Variants in ZNF445 observed in about 807,000 individuals in gnomAD.
ZNF445 encodes zinc finger protein 445.
In ZNF445, 19 loss-of-function variants were observed where a neutral mutation model predicts 93.9. The ratio of observed to expected loss-of-function variants is 0.20; its 90% CI spans 0.14 to 0.30. ZNF445 has a LOEUF of 0.30. ZNF445 is among the 10% of genes least tolerant of loss of function. The pLI is 1.00. For missense variants in ZNF445, 1,058 were observed against 1,259.4 expected, an observed-to-expected ratio of 0.84 and a Z score of 2.42; for synonymous variants, 449 against 446.3, an observed-to-expected ratio of 1.01 and a Z score of -0.08.
rs1697646452 is a variant in ZNF445, at chr3:44,434,942, C to T, written c.*11633G>A. Reference sequence around the variant, plus strand: ...CCTTATAGATAACATTTATAAGTCACCATAACAACCACTTATTTTTCAGGA... The same window carrying T: ...CCTTATAGATAACATTTATAAGTCATCATAACAACCACTTATTTTTCAGGA... On this transcript the variant is annotated 3_prime_UTR_variant, in exon 8 of 8. Coordinates refer to ENST00000396077, the MANE Select transcript of ZNF445 (RefSeq NM_181489.6). The T allele has an allele frequency of 6.6e-6, 1 of 152,202 alleles. No homozygotes were observed. Among genetic ancestry groups the T allele is most frequent in the Admixed American group, 6.5e-5 (1 of 15,274 alleles). The allele number at this position is 152,202 out of a possible 1,614,324, so 9.4% of individuals were successfully genotyped here.
At chr3:44,475,203 GTT>G (rs1487404467) in intron 1 of ZNF445, among the ~76,000 whole-genome samples, 1 of 151,854 alleles carries the variant, frequency 6.6e-6, no homozygotes, top group East Asian at 1.9e-4. Flanking sequence ...TACAGGTTTT[GTT>G]TTGTTTTTTT....
At chr3:44,462,537 G>A (rs1241614732) in intron 1 of ZNF445, among the ~76,000 whole-genome samples, 1 of 152,192 alleles carries the variant, frequency 6.6e-6, no homozygotes, top group African/African-American at 2.4e-5. Context: ...TTGGCTTCCA[G>A]AATGATTCCT....
At position 44,444,891 on chromosome 3, in the gene ZNF445, T is replaced by C. The variant is rs1211042733; in HGVS notation, c.*1684A>G. 2 of 152,268 alleles carry C rather than the reference T, an allele frequency of 1.3e-5. No individual in the cohort carries two copies. The highest frequency in any genetic ancestry group is 1.9e-4 in the East Asian group (1 of 5,204). The allele number at this position is 152,268 out of a possible 1,614,324, so 9.4% of individuals were successfully genotyped here. On this transcript the variant is annotated 3_prime_UTR_variant, in exon 8 of 8. Transcript: ENST00000396077. ...CTATAGTCAGGACACTGCTCTACTA[T>C]TAAAACATTTTATCCTTTCATTCAT...
chr3:44,466,023 T>G (rs60941664), intron 1 of ZNF445, among the ~76,000 whole-genome samples: 1,854 of 152,314 alleles, frequency 0.012, 35 homozygotes, highest in African/African-American at 0.043. Context: ...TGATTTTTAA[T>G]TAATGTTAAA....
rs201429188 is a variant in ZNF445 at position 44,451,347 on chromosome 3, T to C, written c.565A>G (p.Ile189Val). 1.4e-5 allele frequency: 22 copies of C among 1,614,100 alleles called. No individual in the cohort carries two copies. The highest frequency in any genetic ancestry group is 1.7e-4 in the Middle Eastern group (1 of 6,058). ...CCAGCCAGGAAGTCACGTGCTTCTA[T>C]TTCATAGGGAGGCTCCAGGTGGTCC... ...LGDHLEPPYE[I>V]EARDFLAGQS... Residue 189 changes from isoleucine to valine, a missense_variant, in exon 4 of 8, where the codon ATA becomes GTA. Physicochemically the swap from Ile to Val is conservative, Grantham distance 29 (BLOSUM62 3). Transcript: ENST00000396077.
chr3:44,475,862 G>A (rs1378723242), intron 1 of ZNF445, among the ~76,000 whole-genome samples: 7 of 152,254 alleles, frequency 4.6e-5, no homozygotes, highest in South Asian at 2.1e-4. Context: ...AGCTGGGCGT[G>A]GTGGCACACA....
Position 44,472,590 on chromosome 3 carries a change from G to A in ZNF445, c.-269+5001C>T, listed in dbSNP as rs1363966417. On this transcript the variant is annotated intron_variant, in intron 1 of 7. Coordinates refer to ENST00000396077, the MANE Select transcript of ZNF445 (RefSeq NM_181489.6). ...GCCTGTGAATATAGTGAGGATTCCA[G>A]TCCTTGAGTCAAAGAAAGGTTAGCT... 2.6e-5 allele frequency among the ~76,000 whole-genome samples: 4 copies of A among 152,218 alleles called. No individual in the cohort carries two copies. The East Asian group carries it at 7.7e-4, about 29-fold the overall frequency.
rs147904473 is a variant in ZNF445 at position 44,450,464 on chromosome 3, C to T, written c.803G>A (p.Arg268Lys). The T allele has an allele frequency of 1.2e-6, 2 of 1,614,014 alleles. No individual in the cohort carries two copies. The highest frequency in any genetic ancestry group is 1.3e-5 in the African/African-American group (1 of 74,908). ...TTACTTACCCAGGGAAGCCATGTTC[C>T]TATAATTCTCCAGCATCACATCCCT... ...LYRDVMLENY[R>K]NMASLVGPFT... Residue 268 changes from arginine (R) to lysine (K), a missense_variant, in exon 6 of 8, where the codon AGG becomes AAG. Around this residue, in one of 3 missense-constraint regions of ZNF445, gnomAD observed 657 missense variants for 746.4 expected, o/e 0.88. Transcript: ENST00000396077.
At position 44,448,256 on chromosome 3, in the gene ZNF445, T is replaced by G. The variant is rs759489617; in HGVS notation, c.1415A>C (p.His472Pro). ...CGKDFSLSSH[H>P]QRGQSLHTVG... Reference sequence around the variant, plus strand: ...TGTGTGAAGACTCTGCCCACGTTGGTGATGAGAGCTAAGGCTGAAGTCTTT... The same window carrying G: ...TGTGTGAAGACTCTGCCCACGTTGGGGATGAGAGCTAAGGCTGAAGTCTTT... Residue 472 changes from histidine to proline, a missense_variant, in exon 8 of 8, where the codon CAC becomes CCC. His to Pro is a moderately conservative substitution (Grantham distance 77). Transcript: ENST00000396077. The G allele has an allele frequency of 6.2e-7, 1 of 1,614,164 alleles. No homozygotes were observed. Among genetic ancestry groups the G allele is most frequent in the Non-Finnish European group, 8.5e-7 (1 of 1,180,038 alleles).
rs952922149 is a variant in ZNF445, at chr3:44,445,208, G to C, written c.*1367C>G. ...GGCTAGAGACATGAACACAACAATG[G>C]TAAGCGTTTATATCTGCTGAGGCCG... On this transcript the variant is annotated 3_prime_UTR_variant, in exon 8 of 8. Transcript: ENST00000396077. The C allele has an allele frequency of 6.6e-6, 1 of 152,222 alleles. No homozygotes were observed. Among genetic ancestry groups the C allele is most frequent in the African/African-American group, 2.4e-5 (1 of 41,454 alleles). The allele number at this position is 152,222 out of a possible 1,614,324, so 9.4% of individuals were successfully genotyped here.
In ZNF445 at chr3:44,447,666, T is replaced by G. The variant is rs1697899057; in HGVS notation, c.2005A>C (p.Ser669Arg). The G allele has an allele frequency of 1.2e-6, 2 of 1,614,060 alleles. No homozygotes were observed. The highest frequency in any genetic ancestry group is 4.5e-5 in the East Asian group (2 of 44,900). ...ACAGCGGGAGCACCCTGGGGCTGAC[T>G]GCAGTCAGGAGATTGCCTGAAGCCT... Reference protein sequence around the residue: ...REGFRQSPDCSQPQGAPAVEK... With the variant: ...REGFRQSPDCRQPQGAPAVEK... Residue 669 changes from serine to arginine, a missense_variant, in exon 8 of 8, where the codon AGT (serine) becomes CGT (arginine). Ser to Arg is a moderately radical substitution (Grantham distance 110). This residue lies in a region of ZNF445 where 387 missense variants were observed against 475.7 expected (regional missense o/e 0.81). Transcript: ENST00000396077. The surrounding 1 kb of genome is among the most constrained non-coding windows in gnomAD (Gnocchi z 4.7).
intron 3 of ZNF445, among the ~76,000 whole-genome samples, chr3:44,452,536 A>C (rs889981617): frequency 2.6e-5 from 4 of 152,148 alleles, no homozygotes; most frequent in African/African-American, 9.7e-5. Flanking sequence ...CCCAGCCCCC[A>C]CTGTCTTTTA....
chr3:44,452,766 C>T (rs1393406136), intron 3 of ZNF445, among the ~76,000 whole-genome samples: 2 of 151,950 alleles, frequency 1.3e-5, no homozygotes, highest in East Asian at 1.9e-4. Context: ...TAAAATAGTA[C>T]CCCATGTTGT....
Position 44,447,512 on chromosome 3 carries a change from T to C in ZNF445, c.2159A>G (p.Tyr720Cys), listed in dbSNP as rs762117872. The C allele has an allele frequency of 1.7e-5, 28 of 1,614,106 alleles. No homozygotes were observed. The highest frequency in any genetic ancestry group is 2.2e-5 in the Non-Finnish European group (26 of 1,180,052). ...QCSDCGKDFAYRSAFIVHKKK... is the reference protein window; with the variant it reads ...QCSDCGKDFACRSAFIVHKKK... Reference sequence around the variant, plus strand: ...CTTATGAACAATAAAGGCTGACCTATAGGCAAAGTCCTTCCCACAATCGCT... The same window carrying C: ...CTTATGAACAATAAAGGCTGACCTACAGGCAAAGTCCTTCCCACAATCGCT... The change falls in exon 8 of 8, where the codon TAT (tyrosine) becomes TGT (cysteine). Residue 720 changes from tyrosine (Y) to cysteine (C), a missense_variant. Physicochemically the swap from Tyr to Cys is radical, Grantham distance 194 (BLOSUM62 -2). Transcript: ENST00000396077. The surrounding 1 kb of genome is among the most constrained non-coding windows in gnomAD (Gnocchi z 4.7).
Position 44,434,280 on chromosome 3 carries a change from G to A in ZNF445, c.*12295C>T, listed in dbSNP as rs915350616. The A allele has an allele frequency of 5.3e-5, 8 of 151,390 alleles. No individual in the cohort carries two copies. The highest frequency in any genetic ancestry group is 1.9e-4 in the East Asian group (1 of 5,166). 9.4% of individuals were successfully genotyped at this position (151,390 alleles called of 1,614,324 possible). A position where few individuals can be genotyped will look rare whatever the true frequency, so the allele number is the denominator to read the frequency against. On this transcript the variant is annotated 3_prime_UTR_variant, in exon 8 of 8. Coordinates refer to ENST00000396077, the MANE Select transcript of ZNF445 (RefSeq NM_181489.6). ...AAAAAAAAAAAAAAATTAGCCGGGCGTGGTGGCGCACACCTGTAGTCCCAA... is the reference window on the plus strand; with the variant it reads ...AAAAAAAAAAAAAAATTAGCCGGGCATGGTGGCGCACACCTGTAGTCCCAA...
intron 1 of ZNF445, among the ~76,000 whole-genome samples, chr3:44,474,119 TC>T (rs1425988874): frequency 6.6e-6 from 1 of 152,126 alleles, no homozygotes; most frequent in East Asian, 1.9e-4. Flanking sequence ...TAAACTATCT[TC>T]CCCCAAATAA....
At chr3:44,463,801 T>C (rs977506019) in intron 1 of ZNF445, among the ~76,000 whole-genome samples, 1 of 152,074 alleles carries the variant, frequency 6.6e-6, no homozygotes, top group Non-Finnish European at 1.5e-5. Flanking sequence ...TAATTGGGTT[T>C]GGGTTGCCTT....
At chr3:44,468,681 T>TC (rs57315181) in intron 1 of ZNF445, among the ~76,000 whole-genome samples, 1,458 of 19,184 alleles carry the variant, frequency 0.076, 28 homozygotes, top group African/African-American at 0.2. Flanking sequence ...CTCCACCCCC[T>TC]CCCCCCGAGG....
chr3:44,465,175 T>C (rs994694740), intron 1 of ZNF445, among the ~76,000 whole-genome samples: 1 of 152,150 alleles, frequency 6.6e-6, no homozygotes, highest in Non-Finnish European at 1.5e-5. Flanking sequence ...GGAGAAATAG[T>C]TTTACATACA....
Sources: allele counts gnomAD v4.1 joint callset (sites outside exome capture counted in the v4.1 genomes callset), GRCh38; gene constraint gnomAD v4.1.1; regional missense constraint gnomAD v4.1.1; non-coding constraint Gnocchi (gnomAD v3.1); transcripts MANE v1.5; gene names NCBI Gene and HGNC (gene_info 2026-07-23, HGNC 2026-07-21).